ADGRL1: variants seen among roughly 807,000 people sequenced by gnomAD.
ADGRL1 encodes the protein adhesion G protein-coupled receptor L1.
A neutral mutation model predicts 148.9 loss-of-function variants in ADGRL1; 31 were observed. That is an observed-to-expected ratio of 0.21 (90% CI 0.16 to 0.28). The LOEUF is 0.28. ADGRL1 is among the 10% of genes least tolerant of loss of function. ADGRL1 has a pLI of 1.00. For missense variants in ADGRL1, 1,521 were observed against 2,058.8 expected (o/e 0.74, Z 5.05); for synonymous variants, 937 against 900.3 (o/e 1.04, Z -0.73).
Position 14,159,270 on chromosome 19 carries a change from G to A in ADGRL1, c.2024-55C>T, listed in dbSNP as rs114147098. 2,436 of 1,599,068 alleles carry A rather than the reference G, an allele frequency of 1.5e-3. 39 individuals carry two copies. In the African/African-American group the frequency reaches 0.029, roughly 19 times the overall value. On this transcript the variant is annotated intron_variant, in intron 10 of 22. Transcript: ENST00000361434. The surrounding 1 kb of genome is among the most constrained non-coding windows in gnomAD (Gnocchi z 6.0). ...ACAGTTGGGGTCTGTTCCCAGTCCAGGGGCTCAGGCTGCAGAACGAGACTC... is the reference window on the plus strand; with the variant it reads ...ACAGTTGGGGTCTGTTCCCAGTCCAAGGGCTCAGGCTGCAGAACGAGACTC...
At chr19:14,199,233 G>C (rs1283544529) in intron 1 of ADGRL1, among the ~76,000 whole-genome samples, 1 of 152,224 alleles carries the variant, frequency 6.6e-6, no homozygotes, top group Admixed American at 6.5e-5. Context: ...GGGAACGAGA[G>C]CCTCCCAGGG....
intron 1 of ADGRL1, chr19:14,191,029 G>A (rs752886471): frequency 3.1e-4 from 134 of 429,168 alleles, no homozygotes; most frequent in Non-Finnish European, 4.4e-4. Flanking sequence ...CAGAGGTTGC[G>A]GTGAGCCAAG....
intron 1 of ADGRL1, among the ~76,000 whole-genome samples, chr19:14,197,661 T>G (rs1972346597): frequency 6.6e-6 from 1 of 152,150 alleles, no homozygotes; most frequent in South Asian, 2.1e-4. Flanking sequence ...TCATATCCAC[T>G]CTCACAGCAC....
chr19:14,204,694 TAGAG>T (rs1338905214), intron 1 of ADGRL1, among the ~76,000 whole-genome samples: 2 of 130,734 alleles, frequency 1.5e-5, no homozygotes, highest in Non-Finnish European at 3.2e-5. Flanking sequence ...CAGAGAGAGA[TAGAG>T]AAAGACAGAG....
chr19:14,155,188 TG>T lies in ADGRL1; in HGVS notation c.3294+170del. 1.5e-6 allele frequency: 1 copy of T among 687,138 alleles called. No individual in the cohort carries two copies. Among genetic ancestry groups the T allele is most frequent in the South Asian group, 1.9e-5 (1 of 52,454 alleles). 42.6% of individuals were successfully genotyped at this position (687,138 alleles called of 1,614,324 possible). On this transcript the variant is annotated intron_variant, in intron 18 of 22. Transcript: ENST00000361434. This position sits in a 1 kb window ranked among gnomAD's most constrained non-coding sequence, Gnocchi z 5.0. The stretch of plus-strand genomic sequence containing the variant: ...CCCGTGGTTAAACCCTCCCTAACCC[TG>T]AGCTCGTGCTCCCCTCCCGGTGGAC...
Position 14,170,706 on chromosome 19 carries a change from C to T in ADGRL1, c.370G>A (p.Val124Met). 1 of 1,612,142 alleles carries T rather than the reference C, an allele frequency of 6.2e-7. No homozygotes were observed. The highest frequency in any genetic ancestry group is 8.5e-7 in the Non-Finnish European group (1 of 1,178,376). The part of the protein sequence containing the change: ...PCPGTYKYLE[V>M]QYDCVPYIFV... ...CTGTAGGGGACACAGTCGTACTGCA[C>T]CTCCAGGTACTTGTAGGTCCCAGGA... Residue 124 changes from valine (V) to methionine (M), a missense_variant, in exon 4 of 23, where the codon GTG becomes ATG. Physicochemically the swap from Val to Met is conservative, Grantham distance 21. Coordinates refer to ENST00000361434, the MANE Select transcript of ADGRL1 (RefSeq NM_014921.5).
intron 4 of ADGRL1, among the ~76,000 whole-genome samples, chr19:14,163,887 C>A (rs567611133): frequency 6.6e-6 from 1 of 152,236 alleles, no homozygotes; most frequent in East Asian, 1.9e-4. Context: ...CTCTTCTCTG[C>A]CACTTAGGGA....
chr19:14,151,737 C>T, intron 22 of ADGRL1, 122 bp from the exon 23 acceptor site: 1 of 919,700 alleles, frequency 1.1e-6, no homozygotes, highest in Non-Finnish European at 1.6e-6. Context: ...CGTAGGCTTC[C>T]CCCTGCCCCC....
intron 4 of ADGRL1, chr19:14,167,033 A>G (rs1368756588): frequency 6.2e-7 from 1 of 1,611,492 alleles, no homozygotes; most frequent in Non-Finnish European, 8.5e-7. Flanking sequence ...CTCCACTTCT[A>G]CTTTAAGCAT....
intron 1 of ADGRL1, among the ~76,000 whole-genome samples, chr19:14,194,075 C>G (rs942009774): frequency 3.3e-5 from 5 of 152,198 alleles, no homozygotes; most frequent in African/African-American, 1.2e-4. Context: ...GACCCCAGCT[C>G]TACAAACAAA....
chr19:14,204,586 C>T (rs1287085025), intron 1 of ADGRL1, among the ~76,000 whole-genome samples: 1 of 151,972 alleles, frequency 6.6e-6, no homozygotes, highest in Non-Finnish European at 1.5e-5. Flanking sequence ...AATAGACATT[C>T]ACCCTCAGGT....
chr19:14,204,728 G>A (rs1011591517), intron 1 of ADGRL1, among the ~76,000 whole-genome samples: 1 of 150,916 alleles, frequency 6.6e-6, no homozygotes, highest in African/African-American at 2.5e-5. Flanking sequence ...GAGAGAGAGA[G>A]AGAGAGAGAG....
chr19:14,173,444 G>A (rs201225867), intron 3 of ADGRL1, among the ~76,000 whole-genome samples: 1 of 124,082 alleles, frequency 8.1e-6, no homozygotes, highest in Non-Finnish European at 1.9e-5. Context: ...CTGTATAGGA[G>A]AAAACATGGT....
At chr19:14,191,217 C>T in intron 1 of ADGRL1, 1 of 456,774 alleles carries the variant, frequency 2.2e-6, no homozygotes, top group Non-Finnish European at 4.4e-6. Flanking sequence ...AGCCTGTCCC[C>T]ATCTGTGTCC....
chr19:14,151,747 C>A, intron 22 of ADGRL1, 132 bp from the exon 23 acceptor site: 1 of 842,850 alleles, frequency 1.2e-6, no homozygotes, highest in East Asian at 2.5e-5. Context: ...CCCCTGCCCC[C>A]TGGATCTCTG....
At chr19:14,156,566 T>TG (rs869304876) in intron 16 of ADGRL1, 92 bp downstream of exon 16, 299 of 507,594 alleles carry the variant, frequency 5.9e-4, no homozygotes, top group African/African-American at 5.1e-3. Flanking sequence ...TGTGTGTGTG[T>TG]GGGGGGGGTG....
intron 2 of ADGRL1, among the ~76,000 whole-genome samples, chr19:14,179,234 C>A (rs1176499064): frequency 6.6e-6 from 1 of 151,894 alleles, no homozygotes; most frequent in Admixed American, 6.6e-5. Flanking sequence ...GTGGCTCACG[C>A]CTATAATCCC....
chr19:14,161,202 C>T lies in ADGRL1; in HGVS notation c.1510+110G>A, dbSNP rs1422003295. 1 of 1,125,782 alleles carries T rather than the reference C, an allele frequency of 8.9e-7. No homozygotes were observed. The highest frequency in any genetic ancestry group is 1.7e-5 in the South Asian group (1 of 59,158). 69.7% of individuals were successfully genotyped at this position (1,125,782 alleles called of 1,614,324 possible). Reference sequence around the variant, plus strand: ...CTGGTCACTGGGGATGACCCCTGCCCTCAGAAAACCTCTGCTCCGCAGTAG... The same window carrying T: ...CTGGTCACTGGGGATGACCCCTGCCTTCAGAAAACCTCTGCTCCGCAGTAG... On this transcript the variant is annotated intron_variant, in intron 6 of 22. Transcript: ENST00000361434. The surrounding 1 kb of genome is among the most constrained non-coding windows in gnomAD (Gnocchi z 4.4).
chr19:14,156,037 C>T (rs986934783), intron 17 of ADGRL1, 73 bp downstream of exon 17: 2 of 1,191,372 alleles, frequency 1.7e-6, no homozygotes, highest in South Asian at 1.3e-5. Context: ...TTTTAGGACA[C>T]CCTGGAAGAG....
Sources: allele counts gnomAD v4.1 joint callset (sites outside exome capture counted in the v4.1 genomes callset), GRCh38; gene constraint gnomAD v4.1.1; non-coding constraint Gnocchi (gnomAD v3.1); transcripts MANE v1.5; gene names NCBI Gene and HGNC (gene_info 2026-07-23, HGNC 2026-07-21).